MDM1: variants seen among roughly 807,000 people sequenced by gnomAD.
MDM1 encodes Mdm1 nuclear protein.
A neutral mutation model predicts 89.1 loss-of-function variants in MDM1; 61 were observed. The observed-to-expected ratio is 0.68, with a 90% CI of 0.56 to 0.85. The LOEUF (loss-of-function observed/expected upper bound fraction) is 0.85, where lower values mean the gene tolerates loss of function less well. Among genes scored for constraint, MDM1 ranks in the 40% least tolerant of loss-of-function variants. The pLI, the probability that MDM1 is intolerant of heterozygous loss-of-function variation, is 0.00. For missense variants in MDM1, 820 were observed against 846.5 expected, an observed-to-expected ratio of 0.97 and a Z score of 0.39; for synonymous variants, 290 against 294.1, an observed-to-expected ratio of 0.99 and a Z score of 0.14.
Position 68,321,409 on chromosome 12 carries a change from G to A in MDM1, c.943C>T (p.Pro315Ser), listed in dbSNP as rs764673713. Residue 315 changes from proline (P) to serine (S), a missense_variant, in exon 7 of 15, where the codon CCA becomes TCA. Transcript: ENST00000682720. ...CCAGCTTTATATAAATACTGAGCTGGGCTCAGAAATTTTGCTCTATATTCG... is the reference window on the plus strand; with the variant it reads ...CCAGCTTTATATAAATACTGAGCTGAGCTCAGAAATTTTGCTCTATATTCG... ...NSEYRAKFLS[P>S]AQYLYKAGAW... 2 of 1,613,662 alleles carry A rather than the reference G, an allele frequency of 1.2e-6. No homozygotes were observed. Among genetic ancestry groups the A allele is most frequent in the Non-Finnish European group, 8.5e-7 (1 of 1,179,860 alleles).
intron 1 of MDM1, 109 bp downstream of exon 1, chr12:68,332,119 C>A: frequency 1.4e-6 from 2 of 1,476,642 alleles, no homozygotes; most frequent in Non-Finnish European, 1.8e-6. Context: ...TGGCAGCTTC[C>A]GCCGGGCAGA....
Position 68,316,059 on chromosome 12 carries a change from T to A in MDM1, c.1211+19A>T. Reference sequence around the variant, plus strand: ...AAGCTTCAACAAACTTTTTTTGCCATCCACAAAGAATATCTCACCCAGCAA... The same window carrying A: ...AAGCTTCAACAAACTTTTTTTGCCAACCACAAAGAATATCTCACCCAGCAA... On this transcript the variant is annotated intron_variant, in intron 9 of 14. Coordinates refer to ENST00000682720, the MANE Select transcript of MDM1 (RefSeq NM_001354969.2). 6.3e-7 allele frequency: 1 copy of A among 1,574,882 alleles called. No homozygotes were observed. The highest frequency in any genetic ancestry group is 8.6e-7 in the Non-Finnish European group (1 of 1,159,846).
Position 68,332,194 on chromosome 12 carries a change from C to CA in MDM1, c.18+33dup, listed in dbSNP as rs767554426. ...ACACCTCCCCGGCCATGGCTCCCCC[C>CA]AGCCACATTCCGGCCCGGGGACCCC... On this transcript the variant is annotated intron_variant, in intron 1 of 14. Transcript: ENST00000682720. 34 of 1,534,400 alleles carry CA rather than the reference C, an allele frequency of 2.2e-5. No homozygotes were observed. The African/African-American group carries it at 4.4e-4, about 20-fold the overall frequency.
chr12:68,330,297 A>AT (rs145527045), intron 2 of MDM1, among the ~76,000 whole-genome samples: 6,365 of 152,316 alleles, frequency 0.042, 416 homozygotes, highest in African/African-American at 0.14. Flanking sequence ...CTCTCGGCCA[A>AT]TAACGAGATG....
At chr12:68,300,173 G>C (rs1871947749) in intron 13 of MDM1, among the ~76,000 whole-genome samples, 1 of 152,114 alleles carries the variant, frequency 6.6e-6, no homozygotes, top group South Asian at 2.1e-4. Context: ...AGCACTACAA[G>C]AAATGCTAAG....
At position 68,331,145 on chromosome 12, in the gene MDM1, C is replaced by T. The variant is rs560131886; in HGVS notation, c.95G>A (p.Arg32Gln). 8 of 1,610,996 alleles carry T rather than the reference C, an allele frequency of 5.0e-6. No homozygotes were observed. Among genetic ancestry groups the T allele is most frequent in the African/African-American group, 2.7e-5 (2 of 74,934 alleles). ...LSESCNSSVG[R>Q]KYPWAGLRSD... ...TCTAAGTCCAGCCCATGGGTACTTT[C>T]GCCCCACGGAGGAATTACAAGACTC... The change falls in exon 2 of 15, where the codon CGA becomes CAA. Residue 32 changes from arginine to glutamine, a missense_variant. By Grantham distance (43) the Arg-to-Gln change is conservative (BLOSUM62 1). Transcript: ENST00000682720.
At chr12:68,297,057 G>T in intron 13 of MDM1, 75 bp from the exon 14 acceptor site, 1 of 982,004 alleles carries the variant, frequency 1.0e-6, no homozygotes. Flanking sequence ...ATACTAAACT[G>T]TTAGTAAAAG....
At position 68,321,429 on chromosome 12, in the gene MDM1, T is replaced by A. The variant is rs1189459050; in HGVS notation, c.923A>T (p.Tyr308Phe). The A allele has an allele frequency of 6.2e-7, 1 of 1,613,744 alleles. No homozygotes were observed. Among genetic ancestry groups the A allele is most frequent in the Admixed American group, 1.7e-5 (1 of 59,974 alleles). ...HQRLGKVNSEYRAKFLSPAQY... is the reference protein window; with the variant it reads ...HQRLGKVNSEFRAKFLSPAQY... The stretch of plus-strand genomic sequence containing the variant: ...AGCTGGGCTCAGAAATTTTGCTCTA[T>A]ATTCGGAATTCACCTTCCTAATAGA... Residue 308 changes from tyrosine (Y) to phenylalanine (F), a missense_variant, in exon 7 of 15, where the codon TAT (tyrosine) becomes TTT (phenylalanine). Coordinates refer to ENST00000682720, the MANE Select transcript of MDM1 (RefSeq NM_001354969.2).
chr12:68,310,453 C>T (rs1377502157), intron 12 of MDM1, among the ~76,000 whole-genome samples: 1 of 152,112 alleles, frequency 6.6e-6, no homozygotes, highest in Non-Finnish European at 1.5e-5. Context: ...GGATGAGTCA[C>T]TCGTTTTGGC....
intron 8 of MDM1, 88 bp downstream of exon 8, chr12:68,316,493 G>T: frequency 1.7e-6 from 2 of 1,152,428 alleles, no homozygotes; most frequent in East Asian, 2.6e-5. Flanking sequence ...TAGCAGCTAA[G>T]AAAAATATTG....
At chr12:68,295,859 G>A (rs1871308337) in intron 14 of MDM1, among the ~76,000 whole-genome samples, 1 of 152,060 alleles carries the variant, frequency 6.6e-6, no homozygotes, top group South Asian at 2.1e-4. Context: ...CCTTAATACT[G>A]AAATTCCTCA....
chr12:68,321,609 C>A lies in MDM1; in HGVS notation c.821G>T (p.Arg274Leu), dbSNP rs115523943. 2.5e-6 allele frequency: 4 copies of A among 1,610,588 alleles called. No homozygotes were observed. The highest frequency in any genetic ancestry group is 2.5e-6 in the Non-Finnish European group (3 of 1,178,454). The change falls in exon 6 of 15, where the codon CGT (arginine) becomes CTT (leucine). Residue 274 changes from arginine (R) to leucine (L), a missense_variant. Physicochemically the swap from Arg to Leu is moderately radical, Grantham distance 102. Coordinates refer to ENST00000682720, the MANE Select transcript of MDM1 (RefSeq NM_001354969.2). ...TTCCATCTCTGCTTCCAATTTTAAACGATCGTCTATTTTATTACTCTGAAA... is the reference window on the plus strand; with the variant it reads ...TTCCATCTCTGCTTCCAATTTTAAAAGATCGTCTATTTTATTACTCTGAAA... ...PERKSNKIDD[R>L]LKLEAEMELK...
At position 68,332,301 on chromosome 12, in the gene MDM1, G is replaced by T. The variant is rs1876973133; in HGVS notation, c.-56C>A. 1 of 1,535,756 alleles carries T rather than the reference G, an allele frequency of 6.5e-7. No homozygotes were observed. The highest frequency in any genetic ancestry group is 2.4e-5 in the East Asian group (1 of 41,748). ...GACAGTTAACTGGAGAAAAAGCTCC[G>T]AGGGGGCGGGGCGATAACAGTGTTC... is the stretch of plus-strand genomic sequence containing the variant. On this transcript the variant is annotated 5_prime_UTR_variant, in exon 1 of 15. Coordinates refer to ENST00000682720, the MANE Select transcript of MDM1 (RefSeq NM_001354969.2).
chr12:68,315,973 C>A, intron 9 of MDM1, 105 bp downstream of exon 9: 1 of 866,914 alleles, frequency 1.2e-6, no homozygotes. Flanking sequence ...CAATTCCATT[C>A]GACTAGGAGA....
chr12:68,324,981 A>G, intron 4 of MDM1: 1 of 973,948 alleles, frequency 1.0e-6, no homozygotes, highest in African/African-American at 1.8e-5. Context: ...TGTCTGATAC[A>G]AGGACAAAAT....
chr12:68,311,942 T>C (rs1167589772), intron 12 of MDM1, among the ~76,000 whole-genome samples: 1 of 152,154 alleles, frequency 6.6e-6, no homozygotes, highest in Non-Finnish European at 1.5e-5. Context: ...TGTCCTATCT[T>C]ACTCACCTAT....
rs1177505193 is a variant in MDM1, at chr12:68,294,851, C to A, written c.*403G>T. On this transcript the variant is annotated 3_prime_UTR_variant, in exon 15 of 15. Transcript: ENST00000682720. Reference sequence around the variant, plus strand: ...ACTACAGCAAAGGTTAAAGGAACAACAAATTCATTTTACAACATCATCAAT... The same window carrying A: ...ACTACAGCAAAGGTTAAAGGAACAAAAAATTCATTTTACAACATCATCAAT... The A allele has an allele frequency of 1.3e-5, 2 of 153,454 alleles. No individual in the cohort carries two copies. Among genetic ancestry groups the A allele is most frequent in the East Asian group, 1.9e-4 (1 of 5,214 alleles). 9.5% of individuals were successfully genotyped at this position (153,454 alleles called of 1,614,324 possible).
Position 68,321,358 on chromosome 12 carries a change from T to C in MDM1, c.994A>G (p.Met332Val), listed in dbSNP as rs749829740. Residue 332 changes from methionine to valine, a missense_variant, in exon 7 of 15, where the codon ATG becomes GTG. Transcript: ENST00000682720. Reference protein sequence around the residue: ...AGAWTHVKGNMPNQGSLNAMW... With the variant: ...AGAWTHVKGNVPNQGSLNAMW... ...TCATGTACACTCACCTGATTTGGCA[T>C]GTTTCCCTTTACATGTGTCCAAGCC... 2.5e-6 allele frequency: 4 copies of C among 1,613,136 alleles called. No individual in the cohort carries two copies. The highest frequency in any genetic ancestry group is 2.7e-5 in the African/African-American group (2 of 74,866).
rs1876152947 is a variant in MDM1, at chr12:68,327,331, C to A, written c.134-310G>T. On this transcript the variant is annotated intron_variant, in intron 2 of 14. Coordinates refer to ENST00000682720, the MANE Select transcript of MDM1 (RefSeq NM_001354969.2). ...TTGCAACGTGATAGACCTGGCAGGCCAGGCAGTACATGCTGCCTCGTTTCT... is the reference window on the plus strand; with the variant it reads ...TTGCAACGTGATAGACCTGGCAGGCAAGGCAGTACATGCTGCCTCGTTTCT... The A allele has an allele frequency of 2.7e-6, 4 of 1,484,886 alleles. No individual in the cohort carries two copies. The Admixed American group carries it at 6.6e-5, about 24-fold the overall frequency. 92.0% of individuals were successfully genotyped at this position (1,484,886 alleles called of 1,614,324 possible). A position where few individuals can be genotyped will look rare whatever the true frequency, so the allele number is the denominator to read the frequency against.
Sources: allele counts gnomAD v4.1 joint callset (sites outside exome capture counted in the v4.1 genomes callset), GRCh38; gene constraint gnomAD v4.1.1; transcripts MANE v1.5; gene names NCBI Gene and HGNC (gene_info 2026-07-23, HGNC 2026-07-21).